Variants in ACBD6 observed in about 807,000 individuals in gnomAD.
The protein encoded by ACBD6 is acyl-CoA binding domain containing 6.
A neutral mutation model predicts 37.2 loss-of-function variants in ACBD6; 28 were observed. The ratio of observed to expected loss-of-function variants is 0.75; its 90% CI spans 0.56 to 1.03. The LOEUF (loss-of-function observed/expected upper bound fraction) is 1.03. Ranked by LOEUF, ACBD6 falls within the 50% of genes least tolerant of loss-of-function variation. The pLI is 0.00. For synonymous variants in ACBD6, 113 were observed against 126.8 expected (o/e 0.89, Z 0.73); for missense variants, 340 against 337.4 (o/e 1.01, Z -0.06).
At chr1:180,287,641 A>G (rs1246735463), downstream of ACBD6, among the ~76,000 whole-genome samples, 1 of 146,874 alleles carries the variant, frequency 6.8e-6, no homozygotes, top group Non-Finnish European at 1.5e-5. Flanking sequence ...GTCATTATAG[A>G]CAATTAAAAG....
intron 4 of ACBD6, among the ~76,000 whole-genome samples, chr1:180,424,136 C>T (rs1242649917): frequency 2.0e-5 from 3 of 152,094 alleles, no homozygotes; most frequent in African/African-American, 7.2e-5. Context: ...ATTTCCAGAG[C>T]CAGCATAGCA....
intron 7 of ACBD6, among the ~76,000 whole-genome samples, chr1:180,299,810 T>C (rs1178492395): frequency 6.6e-6 from 1 of 152,156 alleles, no homozygotes; most frequent in Non-Finnish European, 1.5e-5. Flanking sequence ...ACAGGCCATT[T>C]ATAAGTAAGA....
At chr1:180,365,572 C>A (rs1653024644) in intron 6 of ACBD6, among the ~76,000 whole-genome samples, 1 of 152,134 alleles carries the variant, frequency 6.6e-6, no homozygotes, top group Non-Finnish European at 1.5e-5. Context: ...TTAATTACAT[C>A]CTAATAATTG....
At chr1:180,283,112 C>T (rs1254684568) in intron 8 of ACBD6, among the ~76,000 whole-genome samples, 4 of 151,302 alleles carry the variant, frequency 2.6e-5, no homozygotes, top group African/African-American at 9.7e-5. Context: ...CACTTTTTAT[C>T]CTGTGTGTGT....
chr1:180,462,669 C>A (rs1226747412), intron 3 of ACBD6, among the ~76,000 whole-genome samples: 1 of 152,164 alleles, frequency 6.6e-6, no homozygotes, highest in Non-Finnish European at 1.5e-5. Context: ...TTAGATAGAT[C>A]ACTGAGATGA....
chr1:180,470,096 T>C (rs1650503109), intron 3 of ACBD6, among the ~76,000 whole-genome samples: 1 of 152,176 alleles, frequency 6.6e-6, no homozygotes, highest in Admixed American at 6.5e-5. Context: ...CACATTAACA[T>C]TGTTGGTTCA....
chr1:180,309,165 G>C (rs1650495930), intron 7 of ACBD6, among the ~76,000 whole-genome samples: 1 of 152,036 alleles, frequency 6.6e-6, no homozygotes, highest in African/African-American at 2.4e-5. Context: ...AGTATGTATA[G>C]ATATATTCAT....
In ACBD6 at chr1:180,330,254, A is replaced by ATTT. The variant is rs58036413; in HGVS notation, c.664-15535_664-15533dup. ...TTAGGGAGACCTTGACTCTATAAGAATTTTTTTTTTTTTTTTAAAGCCAGG... is the reference window on the plus strand; with the variant it reads ...TTAGGGAGACCTTGACTCTATAAGAATTTTTTTTTTTTTTTTTTTAAAGCCAGG... On this transcript the variant is annotated intron_variant, in intron 6 of 7. Transcript: ENST00000367595. Among the ~76,000 whole-genome samples the ATTT allele has an allele frequency of 3.8e-3, 550 of 143,498 alleles. 3 individuals carry two copies. Among genetic ancestry groups the ATTT allele is most frequent in the African/African-American group, 0.013 (524 of 38,964 alleles). The allele number at this position is 143,498 out of a possible 152,430, so 94.1% of individuals were successfully genotyped here.
chr1:180,350,089 G>A (rs1652352762), intron 6 of ACBD6, among the ~76,000 whole-genome samples: 3 of 144,124 alleles, frequency 2.1e-5, no homozygotes, highest in South Asian at 2.2e-4. Context: ...ACAGTGGTGC[G>A]ATCATAGCTC....
chr1:180,477,275 C>T (rs1650835808), intron 3 of ACBD6, among the ~76,000 whole-genome samples: 1 of 152,014 alleles, frequency 6.6e-6, no homozygotes, highest in Non-Finnish European at 1.5e-5. Context: ...CCTCAGAAAG[C>T]AAAACTATAG....
chr1:180,380,198 C>T (rs761411631), intron 6 of ACBD6, among the ~76,000 whole-genome samples: 93 of 152,138 alleles, frequency 6.1e-4, no homozygotes, highest in Non-Finnish European at 1.1e-3. Context: ...GAAATCATGG[C>T]TGCAGTGAGC....
At chr1:180,369,752 T>C (rs1357213267) in intron 6 of ACBD6, among the ~76,000 whole-genome samples, 3 of 152,226 alleles carry the variant, frequency 2.0e-5, no homozygotes, top group African/African-American at 7.2e-5. Flanking sequence ...CTCTAATGCA[T>C]AACCTTCATC....
At chr1:180,274,176 T>G in intron 10 of ACBD6, 1 of 1,614,232 alleles carries the variant, frequency 6.2e-7, no homozygotes, top group Non-Finnish European at 8.5e-7. Context: ...TCCGTTCTTT[T>G]GTCCACAGAG....
chr1:180,330,375 A>G (rs1461235345), intron 6 of ACBD6, among the ~76,000 whole-genome samples: 1 of 151,688 alleles, frequency 6.6e-6, no homozygotes, highest in African/African-American at 2.4e-5. Flanking sequence ...AGCCATGATT[A>G]TACCACTGCA....
intron 3 of ACBD6, among the ~76,000 whole-genome samples, chr1:180,479,531 G>T (rs964259484): frequency 6.6e-6 from 1 of 152,044 alleles, no homozygotes; most frequent in Admixed American, 6.6e-5. Flanking sequence ...AGAGAAGTGG[G>T]TTAAAGGGTA....
intron 6 of ACBD6, among the ~76,000 whole-genome samples, chr1:180,346,857 A>C (rs1652200089): frequency 6.6e-6 from 1 of 152,148 alleles, no homozygotes; most frequent in South Asian, 2.1e-4. Context: ...ATCTACAAAA[A>C]ATACAAAAAT....
chr1:180,317,991 A>G (rs1204806921), intron 6 of ACBD6, among the ~76,000 whole-genome samples: 1 of 151,892 alleles, frequency 6.6e-6, no homozygotes, highest in Non-Finnish European at 1.5e-5. Flanking sequence ...AGCCTGGGCA[A>G]CATGATGAAA....
chr1:180,319,034 GATT>G (rs973203423), intron 6 of ACBD6, among the ~76,000 whole-genome samples: 5 of 152,086 alleles, frequency 3.3e-5, no homozygotes, highest in African/African-American at 4.8e-5. Context: ...AGAATTTTGA[GATT>G]ATTATTAGTC....
chr1:180,361,275 C>CTTTTTTTTTTTT (rs34773334), intron 6 of ACBD6, among the ~76,000 whole-genome samples: 1 of 135,692 alleles, frequency 7.4e-6, no homozygotes. Context: ...TTTTTTTTTC[C>CTTTTTTTTTTTT]TTTTTTTTTT....
Sources: gnomAD v4.1 joint callset for allele counts (sites outside exome capture counted in the v4.1 genomes callset) on GRCh38, gnomAD v4.1.1 for gene constraint, MANE v1.5 for transcripts, NCBI Gene and HGNC (gene_info 2026-07-23, HGNC 2026-07-21) for gene names.